The following LINGO2 variants were observed in gnomAD, a reference collection of about 807,000 sequenced individuals.
LINGO2 encodes the protein leucine rich repeat and Ig domain containing 2, also known as leucine-rich repeat and immunoglobulin-like domain-containing nogo receptor-interacting protein 2.
Under a neutral mutation model 30.6 loss-of-function variants are expected in LINGO2, and 14 were observed. That is an observed-to-expected ratio of 0.46 (90% CI 0.30 to 0.72). LINGO2 has a LOEUF of 0.72. LINGO2 is among the 30% of genes least tolerant of loss of function. The pLI is 0.07. For synonymous variants in LINGO2, 317 were observed against 288.5 expected (o/e 1.10, Z -1.00); for missense variants, 729 against 751.7 (o/e 0.97, Z 0.35).
At chr9:28,250,383 A>G (rs1822153735) in intron 4 of LINGO2, among the ~76,000 whole-genome samples, 1 of 152,178 alleles carries the variant, frequency 6.6e-6, no homozygotes, top group Non-Finnish European at 1.5e-5. Context: ...AATTTAGCAC[A>G]GTGGTGAGTT....
chr9:28,338,230 C>T (rs537280181), intron 3 of LINGO2, among the ~76,000 whole-genome samples: 65 of 152,298 alleles, frequency 4.3e-4, no homozygotes, highest in African/African-American at 1.4e-3. Context: ...ATTTGACTGT[C>T]CTGCTGGATT....
At chr9:29,004,143 C>T in the LINGO2 span, among the ~76,000 whole-genome samples, 3 of 151,906 alleles carry the variant, frequency 2.0e-5, no homozygotes, top group African/African-American at 7.3e-5. Flanking sequence ...AGAAATTAAT[C>T]CATGAATATG....
intron 4 of LINGO2, among the ~76,000 whole-genome samples, chr9:28,293,750 T>C (rs1823824675): frequency 6.6e-6 from 1 of 152,184 alleles, no homozygotes; most frequent in Non-Finnish European, 1.5e-5. Context: ...AACCCAATTT[T>C]GTGGTAAATT....
At chr9:27,989,212 C>T (rs1821269269) in intron 5 of LINGO2, among the ~76,000 whole-genome samples, 1 of 151,942 alleles carries the variant, frequency 6.6e-6, no homozygotes, top group African/African-American at 2.4e-5. Flanking sequence ...GCATTCCCAT[C>T]AAGGGTCTGC....
intron 3 of LINGO2, among the ~76,000 whole-genome samples, chr9:28,310,033 A>C (rs1306014853): frequency 6.6e-6 from 1 of 152,172 alleles, no homozygotes; most frequent in Non-Finnish European, 1.5e-5. Flanking sequence ...GGAGGAAGCT[A>C]AACTTTTATA....
chr9:28,052,874 C>A (rs1382800447), intron 4 of LINGO2, among the ~76,000 whole-genome samples: 1 of 152,034 alleles, frequency 6.6e-6, no homozygotes, highest in African/African-American at 2.4e-5. Flanking sequence ...TTTGGACTTG[C>A]AATATCTAGA....
chr9:28,171,153 T>C (rs901376788), intron 4 of LINGO2, among the ~76,000 whole-genome samples: 9 of 152,176 alleles, frequency 5.9e-5, no homozygotes, highest in African/African-American at 1.4e-4. Context: ...TGAATGTTAT[T>C]ACAGCAGCAT....
chr9:28,522,102 A>AT (rs747151960), intron 1 of LINGO2, among the ~76,000 whole-genome samples: 130 of 152,366 alleles, frequency 8.5e-4, no homozygotes, highest in Admixed American at 1.0e-3. Context: ...TATGAAACTA[A>AT]TGAAGCAATT....
the LINGO2 span, among the ~76,000 whole-genome samples, chr9:28,786,430 G>A: frequency 6.6e-6 from 1 of 152,160 alleles, no homozygotes; most frequent in Middle Eastern, 3.4e-3. Context: ...GCATCCTATA[G>A]TTTTCCTAGC....
intron 1 of LINGO2, among the ~76,000 whole-genome samples, chr9:28,646,827 T>C (rs1827864166): frequency 6.6e-6 from 1 of 152,142 alleles, no homozygotes; most frequent in African/African-American, 2.4e-5. Flanking sequence ...TGTTCTTGAC[T>C]GCATATAATA....
At chr9:28,573,648 A>C (rs552611354) in intron 1 of LINGO2, among the ~76,000 whole-genome samples, 48 of 152,298 alleles carry the variant, frequency 3.2e-4, no homozygotes, top group African/African-American at 1.2e-3. Context: ...GCTAGGAGCT[A>C]AAATGGTATA....
the LINGO2 span, among the ~76,000 whole-genome samples, chr9:29,167,796 G>C: frequency 6.6e-5 from 10 of 152,112 alleles, no homozygotes; most frequent in Non-Finnish European, 1.2e-4. Flanking sequence ...TTTCCTGCTT[G>C]TTCAGAACAA....
the LINGO2 span, among the ~76,000 whole-genome samples, chr9:28,685,708 C>T: frequency 6.6e-6 from 1 of 152,042 alleles, no homozygotes; most frequent in East Asian, 1.9e-4. Flanking sequence ...TTGTCATTTT[C>T]TACTTGTCAT....
chr9:29,024,132 C>T, the LINGO2 span, among the ~76,000 whole-genome samples: 2 of 152,086 alleles, frequency 1.3e-5, no homozygotes, highest in African/African-American at 4.8e-5. Flanking sequence ...AAACCGCCCT[C>T]TACATTGTGT....
intron 4 of LINGO2, among the ~76,000 whole-genome samples, chr9:28,146,016 T>A (rs1323320553): frequency 6.6e-6 from 1 of 152,210 alleles, no homozygotes; most frequent in East Asian, 1.9e-4. Context: ...GCCACAGTTG[T>A]ACAGCATTGT....
rs114889151 is a variant in LINGO2 at position 28,052,941 on chromosome 9, A to C, written c.-86-40536T>G. Among the ~76,000 whole-genome samples the C allele has an allele frequency of 5.3e-3, 793 of 150,652 alleles. 11 individuals are homozygous for C. Among genetic ancestry groups the C allele is most frequent in the African/African-American group, 0.019 (758 of 40,112 alleles). On this transcript the variant is annotated intron_variant, in intron 4 of 5. Coordinates refer to ENST00000379992, the Ensembl canonical transcript of LINGO2. The stretch of plus-strand genomic sequence containing the variant: ...CAAGTAAAAATCTGTATTCAAATAC[A>C]TTTAAGACATTGAGCATCCAGTACA...
intron 1 of LINGO2, among the ~76,000 whole-genome samples, chr9:28,625,191 G>T (rs116441239): frequency 6.6e-4 from 101 of 152,166 alleles, no homozygotes; most frequent in African/African-American, 2.2e-3. Context: ...GGTTAGGGCT[G>T]GTCCAAATGC....
At chr9:28,728,927 G>A in the LINGO2 span, among the ~76,000 whole-genome samples, 1 of 152,120 alleles carries the variant, frequency 6.6e-6, no homozygotes, top group Non-Finnish European at 1.5e-5. Context: ...GGCGTGAGAA[G>A]AAGGCAGATC....
the LINGO2 span, among the ~76,000 whole-genome samples, chr9:28,763,929 G>GA: frequency 6.6e-6 from 1 of 151,658 alleles, no homozygotes; most frequent in Non-Finnish European, 1.5e-5. Context: ...TATAGCAAAT[G>GA]AAAAAATTCC....
Sources: gnomAD v4.1 joint callset for allele counts (sites outside exome capture counted in the v4.1 genomes callset) on GRCh38, gnomAD v4.1.1 for gene constraint, MANE v1.5 for transcripts, NCBI Gene and HGNC (gene_info 2026-07-23, HGNC 2026-07-21) for gene names.